The following THSD7A variants were observed in gnomAD, a reference collection of about 807,000 sequenced individuals.
THSD7A encodes thrombospondin type-1 domain-containing protein 7A.
In THSD7A, 96 loss-of-function variants were observed where a neutral mutation model predicts 231.3. That is an observed-to-expected ratio of 0.41 (90% CI 0.35 to 0.49). The LOEUF is 0.49. Among genes scored for constraint, THSD7A ranks in the 20% least tolerant of loss-of-function variants. The probability of loss-of-function intolerance (pLI) is 0.05; values close to 1 mark genes in which losing one functional copy is unlikely to be tolerated. For synonymous variants in THSD7A, 940 were observed against 743.3 expected (o/e 1.26, Z -4.30); for missense variants, 2,290 against 2,070.2 (o/e 1.11, Z -2.06).
At chr7:11,540,448 C>T (rs780454328) in intron 6 of THSD7A, among the ~76,000 whole-genome samples, 4 of 152,206 alleles carry the variant, frequency 2.6e-5, no homozygotes, top group Admixed American at 6.5e-5. Flanking sequence ...AGAATTATGA[C>T]GGTTACCAGA....
At chr7:11,815,205 T>G (rs1014282522) in intron 1 of THSD7A, among the ~76,000 whole-genome samples, 1 of 151,972 alleles carries the variant, frequency 6.6e-6, no homozygotes, top group Non-Finnish European at 1.5e-5. Flanking sequence ...AGTCCAATTT[T>G]GGCCCACTAG....
intron 1 of THSD7A, among the ~76,000 whole-genome samples, chr7:11,749,363 T>G (rs923265643): frequency 6.6e-6 from 1 of 151,914 alleles, no homozygotes; most frequent in Non-Finnish European, 1.5e-5. Context: ...CCCTTAATTC[T>G]TAGAGCATGT....
chr7:11,821,297 A>G, intron 1 of THSD7A: 1 of 877,142 alleles, frequency 1.1e-6, no homozygotes, highest in Non-Finnish European at 1.9e-6. Context: ...CGAAACTCCT[A>G]TTGGAAACCA....
chr7:11,770,297 T>C (rs1362893017), intron 1 of THSD7A, among the ~76,000 whole-genome samples: 1 of 152,126 alleles, frequency 6.6e-6, no homozygotes, highest in African/African-American at 2.4e-5. Flanking sequence ...AATATTTAGT[T>C]TGCTAATAGA....
intron 4 of THSD7A, among the ~76,000 whole-genome samples, chr7:11,582,903 T>C (rs1277299305): frequency 1.3e-5 from 2 of 150,734 alleles, no homozygotes; most frequent in Non-Finnish European, 2.9e-5. Flanking sequence ...AAAATTCTTG[T>C]TTTTCCTAAT....
chr7:11,639,459 G>A (rs1781993941), intron 1 of THSD7A, among the ~76,000 whole-genome samples: 1 of 152,066 alleles, frequency 6.6e-6, no homozygotes, highest in Non-Finnish European at 1.5e-5. Context: ...CACAAGGTCA[G>A]GAGATCGAGA....
At chr7:11,396,438 A>ATGAT (rs1398426749) in intron 23 of THSD7A, among the ~76,000 whole-genome samples, 3 of 152,206 alleles carry the variant, frequency 2.0e-5, no homozygotes, top group Non-Finnish European at 4.4e-5. Context: ...TCAATAAAAA[A>ATGAT]TGATAAAGGG....
At chr7:11,442,661 T>C (rs1407232657) in intron 13 of THSD7A, among the ~76,000 whole-genome samples, 1 of 152,040 alleles carries the variant, frequency 6.6e-6, no homozygotes, top group East Asian at 1.9e-4. Flanking sequence ...TTGCAGAACA[T>C]ATTTAAGGAA....
At chr7:11,827,728 A>C (rs1562583599) in intron 1 of THSD7A, among the ~76,000 whole-genome samples, 1 of 152,158 alleles carries the variant, frequency 6.6e-6, no homozygotes, top group East Asian at 1.9e-4. Flanking sequence ...TCCTTCTCCT[A>C]AACTGAGTCA....
At chr7:11,666,776 C>G (rs963775725) in intron 1 of THSD7A, among the ~76,000 whole-genome samples, 1 of 151,168 alleles carries the variant, frequency 6.6e-6, no homozygotes, top group African/African-American at 2.4e-5. Context: ...CATATAAAGA[C>G]TTTTTTAAAC....
At chr7:11,596,843 C>A (rs1161302053) in intron 2 of THSD7A, among the ~76,000 whole-genome samples, 2 of 152,250 alleles carry the variant, frequency 1.3e-5, no homozygotes, top group Non-Finnish European at 2.9e-5. Context: ...TCTCCTGACA[C>A]CTGGTATGCA....
intron 4 of THSD7A, among the ~76,000 whole-genome samples, chr7:11,573,133 A>G (rs1267408207): frequency 6.6e-6 from 1 of 152,122 alleles, no homozygotes; most frequent in Non-Finnish European, 1.5e-5. Context: ...TGAGGTGCTC[A>G]ACAAGTATTC....
intron 1 of THSD7A, among the ~76,000 whole-genome samples, chr7:11,638,108 T>A (rs1437691190): frequency 6.6e-6 from 1 of 152,170 alleles, no homozygotes; most frequent in East Asian, 1.9e-4. Flanking sequence ...TGATTGATGC[T>A]TTTATAAGAA....
intron 11 of THSD7A, among the ~76,000 whole-genome samples, chr7:11,448,887 AG>A (rs1477036102): frequency 6.6e-6 from 1 of 152,112 alleles, no homozygotes; most frequent in East Asian, 1.9e-4. Flanking sequence ...AGAAAAGAAC[AG>A]GGGCCCCTAA....
chr7:11,413,788 C>G (rs567126652), intron 17 of THSD7A: 21 of 152,248 alleles, frequency 1.4e-4, no homozygotes, highest in African/African-American at 4.3e-4. Context: ...ATATCTTTTC[C>G]ATTTTTTTGC....
Position 11,637,847 on chromosome 7 carries a change from G to A in THSD7A, c.191-886C>T, listed in dbSNP as rs932301676. Among the ~76,000 whole-genome samples the A allele has an allele frequency of 6.6e-6, 1 of 152,008 alleles. No individual in the cohort carries two copies. Among genetic ancestry groups the A allele is most frequent in the African/African-American group, 2.4e-5 (1 of 41,370 alleles). ...TTCACATATATTATTTTTTTCTAAG[G>A]TAGATGATATGATTTTCAGTACTTT... On this transcript the variant is annotated intron_variant, in intron 1 of 27. Coordinates refer to ENST00000423059, the MANE Select transcript of THSD7A (RefSeq NM_015204.3). This position sits in a 1 kb window ranked among gnomAD's most constrained non-coding sequence, Gnocchi z 4.2.
At chr7:11,692,820 A>G (rs1287316057) in intron 1 of THSD7A, among the ~76,000 whole-genome samples, 3 of 151,540 alleles carry the variant, frequency 2.0e-5, no homozygotes, top group African/African-American at 7.3e-5. Context: ...CCTTACTAAA[A>G]ATAATAATTA....
intron 20 of THSD7A, 61 bp downstream of exon 20, chr7:11,407,245 G>C (rs981981584): frequency 6.8e-7 from 1 of 1,475,754 alleles, no homozygotes; most frequent in African/African-American, 1.4e-5. Context: ...TAAAGCAAGA[G>C]GGATATTTTA....
At chr7:11,397,933 T>A (rs536945878) in intron 23 of THSD7A, among the ~76,000 whole-genome samples, 1 of 152,192 alleles carries the variant, frequency 6.6e-6, no homozygotes, top group African/African-American at 2.4e-5. Context: ...GAAACAGGAA[T>A]GCTTTTACAC....
Sources: allele counts gnomAD v4.1 joint callset (sites outside exome capture counted in the v4.1 genomes callset), GRCh38; gene constraint gnomAD v4.1.1; non-coding constraint Gnocchi (gnomAD v3.1); transcripts MANE v1.5; gene names NCBI Gene and HGNC (gene_info 2026-07-23, HGNC 2026-07-21).